The following SNAP91 variants were observed in gnomAD, a reference collection of about 807,000 sequenced individuals.
SNAP91 encodes the protein synaptosome associated protein 91.
Under a neutral mutation model 100.3 loss-of-function variants are expected in SNAP91, and 27 were observed. That is an observed-to-expected ratio of 0.27 (90% CI 0.20 to 0.37). SNAP91 has a LOEUF of 0.37. Ranked by LOEUF, SNAP91 falls within the 10% of genes least tolerant of loss-of-function variation. The pLI is 1.00. For synonymous variants in SNAP91, 404 were observed against 398.6 expected (o/e 1.01, Z -0.16); for missense variants, 986 against 1,123.7 (o/e 0.88, Z 1.75).
At chr6:83,562,596 C>T (rs1450123938) in intron 26 of SNAP91, among the ~76,000 whole-genome samples, 4 of 152,130 alleles carry the variant, frequency 2.6e-5, no homozygotes, top group African/African-American at 9.7e-5. Context: ...TGCTTCATAC[C>T]ATCACCTTCC....
rs191239524 is a variant in SNAP91 at position 83,656,902 on chromosome 6, C to G, written c.547-37G>C. The G allele has an allele frequency of 2.2e-5, 21 of 942,446 alleles. No individual in the cohort carries two copies. In the Admixed American group the frequency reaches 5.6e-4, roughly 25 times the overall value. The allele number at this position is 942,446 out of a possible 1,614,324, so 58.4% of individuals were successfully genotyped here. Reference sequence around the variant, plus strand: ...GAAAAATTTAATATTAGCGGCATATCATTAAGTCTTAATTTTTCTTGAATC... The same window carrying G: ...GAAAAATTTAATATTAGCGGCATATGATTAAGTCTTAATTTTTCTTGAATC... On this transcript the variant is annotated intron_variant, in intron 6 of 29. Coordinates refer to ENST00000369694, the MANE Select transcript of SNAP91 (RefSeq NM_001242792.2).
At chr6:83,635,440 T>G (rs1014481508) in intron 8 of SNAP91, among the ~76,000 whole-genome samples, 10 of 152,336 alleles carry the variant, frequency 6.6e-5, no homozygotes, top group Non-Finnish European at 1.5e-4. Context: ...AATGTCCTTC[T>G]TTGTACTTTT....
chr6:83,695,345 T>C (rs2099191252), intron 2 of SNAP91, among the ~76,000 whole-genome samples: 1 of 150,552 alleles, frequency 6.6e-6, no homozygotes, highest in African/African-American at 2.4e-5. Flanking sequence ...AAAACTGTGA[T>C]TTATGGATTT....
At chr6:83,592,866 A>C in intron 20 of SNAP91, 80 bp downstream of exon 20, 1 of 1,062,918 alleles carries the variant, frequency 9.4e-7, no homozygotes. Flanking sequence ...ACTCAAGAAA[A>C]ACCCACATGT....
At chr6:83,689,015 C>T (rs969965833) in intron 2 of SNAP91, among the ~76,000 whole-genome samples, 31 of 152,138 alleles carry the variant, frequency 2.0e-4, no homozygotes, top group Non-Finnish European at 1.5e-5. Flanking sequence ...CCTATACCCC[C>T]AACCCCCAGT....
intron 12 of SNAP91, 26 bp downstream of exon 12, chr6:83,610,624 A>G: frequency 1.7e-6 from 1 of 605,824 alleles, no homozygotes. Flanking sequence ...AAAAACAAAA[A>G]CCCCCAAACA....
intron 8 of SNAP91, among the ~76,000 whole-genome samples, chr6:83,624,827 T>C (rs1247635031): frequency 6.6e-6 from 1 of 152,158 alleles, no homozygotes; most frequent in Non-Finnish European, 1.5e-5. Context: ...AAATAATGTT[T>C]GAATCCAGAA....
Position 83,593,597 on chromosome 6 carries a change from G to A in SNAP91, c.1577C>T (p.Ala526Val). 6.3e-7 allele frequency: 1 copy of A among 1,580,950 alleles called. No homozygotes were observed. Among genetic ancestry groups the A allele is most frequent in the Non-Finnish European group, 8.6e-7 (1 of 1,163,568 alleles). The change falls in exon 18 of 30, where the codon GCT (alanine) becomes GTT (valine). Residue 526 changes from alanine to valine, a missense_variant. Ala to Val is a moderately conservative substitution (Grantham distance 64). Coordinates refer to ENST00000369694, the MANE Select transcript of SNAP91 (RefSeq NM_001242792.2). ...PPVPATAPSP[A>V]PAVAAAAAAT... ...AGCAGCAGCAGCTGCAACGGCAGGA[G>A]CAGGAGAAGGAGCAGTTGCGGGAAC...
chr6:83,568,335 G>A (rs185014918), intron 26 of SNAP91, among the ~76,000 whole-genome samples: 2 of 152,070 alleles, frequency 1.3e-5, no homozygotes, highest in South Asian at 2.1e-4. Context: ...TCACACACTG[G>A]GGCCTGTTGT....
intron 9 of SNAP91, among the ~76,000 whole-genome samples, chr6:83,621,514 C>T (rs1395221861): frequency 6.6e-6 from 1 of 152,058 alleles, no homozygotes; most frequent in African/African-American, 2.4e-5. Flanking sequence ...ATTATGAAAA[C>T]ACACATCTTA....
intron 8 of SNAP91, among the ~76,000 whole-genome samples, chr6:83,627,001 C>T (rs560492525): frequency 2.0e-5 from 3 of 151,954 alleles, no homozygotes; most frequent in East Asian, 1.9e-4. Flanking sequence ...TTGTCATAGA[C>T]GGTTCTTATT....
At chr6:83,700,969 G>A (rs1307655120) in intron 2 of SNAP91, among the ~76,000 whole-genome samples, 1 of 152,078 alleles carries the variant, frequency 6.6e-6, no homozygotes, top group Admixed American at 6.5e-5. Context: ...TAGTGACTTG[G>A]GCAATTGAGT....
intron 12 of SNAP91, among the ~76,000 whole-genome samples, chr6:83,608,549 T>C (rs2095795071): frequency 6.6e-6 from 1 of 152,170 alleles, no homozygotes; most frequent in African/African-American, 2.4e-5. Context: ...AACAATGTAT[T>C]GATACTTAGT....
intron 7 of SNAP91, among the ~76,000 whole-genome samples, chr6:83,642,311 G>T (rs920250843): frequency 6.6e-6 from 1 of 152,060 alleles, no homozygotes; most frequent in African/African-American, 2.4e-5. Flanking sequence ...TTTACATTAG[G>T]TATATCTCCT....
chr6:83,625,452 G>T (rs1424212990), intron 8 of SNAP91, among the ~76,000 whole-genome samples: 1 of 152,082 alleles, frequency 6.6e-6, no homozygotes, highest in Non-Finnish European at 1.5e-5. Context: ...TTAGTTCTTT[G>T]AGAAATCTCC....
chr6:83,594,536 T>G, intron 16 of SNAP91, 55 bp from the exon 17 acceptor site: 1 of 1,095,948 alleles, frequency 9.1e-7, no homozygotes, highest in Non-Finnish European at 1.3e-6. Flanking sequence ...GAGAAGAAAA[T>G]ACAGTAAAAG....
At chr6:83,563,754 C>T (rs1792132351) in intron 26 of SNAP91, among the ~76,000 whole-genome samples, 1 of 152,086 alleles carries the variant, frequency 6.6e-6, no homozygotes. Flanking sequence ...AAAACAGTTC[C>T]ATTTATAATA....
At chr6:83,690,580 C>G (rs1178568017) in intron 2 of SNAP91, 4 of 348,678 alleles carry the variant, frequency 1.1e-5, no homozygotes, top group Non-Finnish European at 2.1e-5. Context: ...AGAAAGCCTA[C>G]TAAAATCGGA....
At chr6:83,580,422 GA>G (rs534887461) in intron 24 of SNAP91, 27 bp downstream of exon 24, 1,774 of 367,286 alleles carry the variant, frequency 4.8e-3, no homozygotes, top group East Asian at 0.026. Flanking sequence ...TTCAGTTAAA[GA>G]AAAAAAAAAA....
Sources: gnomAD v4.1 joint callset for allele counts (sites outside exome capture counted in the v4.1 genomes callset) on GRCh38, gnomAD v4.1.1 for gene constraint, MANE v1.5 for transcripts, NCBI Gene and HGNC (gene_info 2026-07-23, HGNC 2026-07-21) for gene names.